Variants in NCOA6 observed in about 807,000 individuals in gnomAD.
NCOA6 encodes the protein nuclear receptor coactivator 6.
NCOA6 carries 49 observed loss-of-function variants against 171.4 expected under a neutral mutation model. The ratio of observed to expected loss-of-function variants is 0.29; its 90% confidence interval spans 0.23 to 0.36. NCOA6 has a LOEUF of 0.36. Among genes scored for constraint, NCOA6 ranks in the 10% least tolerant of loss-of-function variants. NCOA6 has a pLI of 1.00. For synonymous variants in NCOA6, 910 were observed against 927.5 expected, an observed-to-expected ratio of 0.98 and a Z score of 0.34; for missense variants, 2,248 against 2,554.5, an observed-to-expected ratio of 0.88 and a Z score of 2.59.
intron 1 of NCOA6, among the ~76,000 whole-genome samples, chr20:34,824,258 T>C (rs1031499752): frequency 6.6e-6 from 1 of 152,238 alleles, no homozygotes; most frequent in African/African-American, 2.4e-5. Context: ...TTCTCCCAGC[T>C]AGCAAATTCC....
chr20:34,808,436 CTTTTTTTTTT>C (rs957085400), intron 1 of NCOA6, among the ~76,000 whole-genome samples: 2 of 125,492 alleles, frequency 1.6e-5, no homozygotes, highest in East Asian at 2.2e-4. Context: ...CTTGTCTGTG[CTTTTTTTTTT>C]TTTTTTTTTG....
intron 3 of NCOA6, among the ~76,000 whole-genome samples, chr20:34,781,319 A>G (rs1272197858): frequency 1.3e-5 from 2 of 152,230 alleles, no homozygotes; most frequent in Non-Finnish European, 2.9e-5. Context: ...GCTTTTCACT[A>G]TGTCCGAAGG....
At chr20:34,758,297 A>G (rs1290348859) in intron 6 of NCOA6, among the ~76,000 whole-genome samples, 193 bp from the exon 7 acceptor site, 1 of 152,268 alleles carries the variant, frequency 6.6e-6, no homozygotes, top group Non-Finnish European at 1.5e-5. Flanking sequence ...GAGCTTGGTC[A>G]GTAGTGGACA....
intron 7 of NCOA6, among the ~76,000 whole-genome samples, chr20:34,756,646 C>T (rs2076649399): frequency 6.6e-6 from 1 of 152,164 alleles, no homozygotes; most frequent in Non-Finnish European, 1.5e-5. Context: ...AATAAATCTC[C>T]TTTAGGTATA....
intron 4 of NCOA6, 92 bp from the exon 5 acceptor site, chr20:34,768,678 G>A: frequency 7.0e-7 from 1 of 1,428,598 alleles, no homozygotes; most frequent in East Asian, 2.3e-5. Flanking sequence ...AGTTTTCTGT[G>A]CTTTTGAAGA....
intron 1 of NCOA6, among the ~76,000 whole-genome samples, chr20:34,810,366 A>C (rs1312297156): frequency 2.6e-5 from 4 of 152,188 alleles, no homozygotes; most frequent in Non-Finnish European, 5.9e-5. Context: ...TTTTTAATTT[A>C]ACATTACTTT....
chr20:34,776,414 G>C lies in NCOA6; in HGVS notation c.270C>G (p.Pro90=). ...SSKLKVQKVE[P]WNSVRVTFNI... ...TGAATGTCACACGCACGCTGTTCCA[G>C]GGCTCCACCTTCTGTACTTTTAGCT... Residue 90 remains proline, a synonymous_variant, in exon 4 of 15, where the codon CCC becomes CCG. Transcript: ENST00000359003. 6.2e-7 allele frequency: 1 copy of C among 1,614,124 alleles called. No homozygotes were observed. The highest frequency in any genetic ancestry group is 8.5e-7 in the Non-Finnish European group (1 of 1,180,038).
intron 5 of NCOA6, among the ~76,000 whole-genome samples, chr20:34,759,421 A>G (rs1465568397): frequency 8.4e-6 from 1 of 119,600 alleles, no homozygotes; most frequent in African/African-American, 2.9e-5. Context: ...ATGTAGATAC[A>G]GCAGAAGCCC....
At chr20:34,766,459 A>T (rs769680462) in intron 5 of NCOA6, among the ~76,000 whole-genome samples, 1 of 152,104 alleles carries the variant, frequency 6.6e-6, no homozygotes, top group Non-Finnish European at 1.5e-5. Flanking sequence ...TACAAAAAAC[A>T]ATACAAAACA....
At chr20:34,786,377 G>T (rs1223243290) in intron 2 of NCOA6, among the ~76,000 whole-genome samples, 1 of 151,918 alleles carries the variant, frequency 6.6e-6, no homozygotes, top group African/African-American at 2.4e-5. Flanking sequence ...GTTATTTCTT[G>T]ATCTTTTGCT....
chr20:34,751,940 C>T (rs1403986947), intron 8 of NCOA6, among the ~76,000 whole-genome samples: 1 of 152,148 alleles, frequency 6.6e-6, no homozygotes, highest in Admixed American at 6.5e-5. Flanking sequence ...TCATTGCAAC[C>T]TCCACCTCCT....
chr20:34,746,993 A>T, intron 9 of NCOA6, 65 bp from the exon 10 acceptor site: 7 of 1,374,854 alleles, frequency 5.1e-6, no homozygotes, highest in Non-Finnish European at 6.7e-6. Flanking sequence ...AATACACAAA[A>T]CTAGCTTAAC....
chr20:34,808,367 GA>G (rs1230434892), intron 1 of NCOA6, among the ~76,000 whole-genome samples: 3 of 150,414 alleles, frequency 2.0e-5, no homozygotes, highest in East Asian at 1.9e-4. Flanking sequence ...TTTATGGGGG[GA>G]AAAAAGTCAC....
chr20:34,758,774 CT>C, intron 6 of NCOA6, 30 bp downstream of exon 6: 2 of 1,608,458 alleles, frequency 1.2e-6, no homozygotes, highest in Non-Finnish European at 1.7e-6. Context: ...AAGTTTCAGA[CT>C]CTTCATCCTC....
chr20:34,776,737 T>C, intron 3 of NCOA6: 1 of 527,258 alleles, frequency 1.9e-6, no homozygotes, highest in Non-Finnish European at 3.6e-6. Flanking sequence ...AGATAATATA[T>C]GCAAAAAATC....
At chr20:34,730,002 C>T (rs752287253) in intron 13 of NCOA6, among the ~76,000 whole-genome samples, 1 of 152,062 alleles carries the variant, frequency 6.6e-6, no homozygotes. Context: ...GTGAAGATGG[C>T]TTTCTGGCTA....
chr20:34,742,779 A>G lies in NCOA6; in HGVS notation c.3477T>C (p.Asn1159=), dbSNP rs762800096. 58 of 1,613,996 alleles carry G rather than the reference A, an allele frequency of 3.6e-5. No individual in the cohort carries two copies. The Admixed American group carries it at 9.7e-4, about 27-fold the overall frequency. ...GTTTTGGCCCTGTCATCATTAACTG[A>G]TTCTGGGGAAGTACTACATGTGAAG... ...NMPSHVVLPQ[N]QLMMTGPKPG... Residue 1159 remains asparagine (N), a synonymous_variant, in exon 11 of 15, where the codon AAT becomes AAC. Transcript: ENST00000359003.
chr20:34,822,592 G>A (rs2079040182), intron 1 of NCOA6, among the ~76,000 whole-genome samples: 1 of 152,098 alleles, frequency 6.6e-6, no homozygotes, highest in African/African-American at 2.4e-5. Context: ...TTGTTCACAT[G>A]TCTACTTCAC....
At chr20:34,808,458 G>A (rs989945633) in intron 1 of NCOA6, among the ~76,000 whole-genome samples, 2 of 130,020 alleles carry the variant, frequency 1.5e-5, no homozygotes, top group African/African-American at 5.9e-5. Context: ...TTTTTTTTGA[G>A]TCGGAGTTTC....
Sources: gnomAD v4.1 joint callset for allele counts (sites outside exome capture counted in the v4.1 genomes callset) on GRCh38, gnomAD v4.1.1 for gene constraint, MANE v1.5 for transcripts, NCBI Gene and HGNC (gene_info 2026-07-23, HGNC 2026-07-21) for gene names.